The following ZCCHC24 variants were observed in gnomAD, a reference collection of about 807,000 sequenced individuals.
ZCCHC24 encodes zinc finger CCHC-type containing 24, also known as zinc finger CCHC domain-containing protein 24.
ZCCHC24 carries 10 observed loss-of-function variants against 26.2 expected under a neutral mutation model. The ratio of observed to expected loss-of-function variants is 0.38; its 90% CI spans 0.24 to 0.65. The LOEUF (loss-of-function observed/expected upper bound fraction) is 0.65, where lower values mean the gene tolerates loss of function less well. Among genes scored for constraint, ZCCHC24 ranks in the 30% least tolerant of loss-of-function variants. The probability of loss-of-function intolerance (pLI) is 0.54; values close to 1 mark genes in which losing one functional copy is unlikely to be tolerated. For missense variants in ZCCHC24, 243 were observed against 329.1 expected (o/e 0.74, Z 2.03); for synonymous variants, 144 against 147.1 (o/e 0.98, Z 0.15).
intron 2 of ZCCHC24, among the ~76,000 whole-genome samples, chr10:79,404,783 C>A (rs570400886): frequency 6.6e-6 from 1 of 152,242 alleles, no homozygotes; most frequent in Non-Finnish European, 1.5e-5. Context: ...TGAGATGAAA[C>A]ATGCAAGGCA....
intron 1 of ZCCHC24, among the ~76,000 whole-genome samples, chr10:79,443,336 T>G (rs1299269191): frequency 3.3e-5 from 5 of 152,156 alleles, no homozygotes; most frequent in African/African-American, 1.2e-4. Flanking sequence ...CTCTTGATGG[T>G]TCCAAACTCC....
chr10:79,408,245 C>T (rs1490688560), intron 2 of ZCCHC24, among the ~76,000 whole-genome samples: 1 of 152,212 alleles, frequency 6.6e-6, no homozygotes. Context: ...AGCTTAGCTC[C>T]CTGCTCTGCC....
chr10:79,435,783 G>A (rs1857207998), intron 1 of ZCCHC24, among the ~76,000 whole-genome samples: 1 of 152,212 alleles, frequency 6.6e-6, no homozygotes, highest in African/African-American at 2.4e-5. Context: ...TGTGAAGGGT[G>A]GGTGAGGCAG....
intron 2 of ZCCHC24, among the ~76,000 whole-genome samples, chr10:79,412,491 C>A (rs1856806581): frequency 6.6e-6 from 1 of 152,266 alleles, no homozygotes; most frequent in Non-Finnish European, 1.5e-5. Flanking sequence ...AGGGACTGGG[C>A]AGCCACAGGC....
At chr10:79,399,143 G>C (rs1856594305) in intron 2 of ZCCHC24, among the ~76,000 whole-genome samples, 1 of 152,198 alleles carries the variant, frequency 6.6e-6, no homozygotes, top group East Asian at 1.9e-4. Context: ...TACAGGGCAG[G>C]GGTAAAGGCA....
intron 2 of ZCCHC24, among the ~76,000 whole-genome samples, chr10:79,396,213 C>T (rs1459665697): frequency 6.6e-6 from 1 of 152,180 alleles, no homozygotes; most frequent in Non-Finnish European, 1.5e-5. Flanking sequence ...AATAATATTC[C>T]ACTGTATGGA....
At chr10:79,426,702 A>G (rs761143614) in intron 2 of ZCCHC24, among the ~76,000 whole-genome samples, 7 of 152,386 alleles carry the variant, frequency 4.6e-5, no homozygotes, top group Non-Finnish European at 7.3e-5. Context: ...AAAATCATTA[A>G]AGAAATTAAA....
At position 79,445,536 on chromosome 10, in the gene ZCCHC24, G is replaced by T; in HGVS notation, c.-96C>A. The T allele has an allele frequency of 9.2e-7, 1 of 1,092,804 alleles. No individual in the cohort carries two copies. Among genetic ancestry groups the T allele is most frequent in the Non-Finnish European group, 1.1e-6 (1 of 871,490 alleles). The allele number at this position is 1,092,804 out of a possible 1,614,324, so 67.7% of individuals were successfully genotyped here. On this transcript the variant is annotated 5_prime_UTR_variant, in exon 1 of 4. Transcript: ENST00000372336. ...ACCGGGGAGCCTGTGCCCACTGCCC[G>T]CCTCCCGAGCCCCGACGGTGATCGC... is the stretch of plus-strand genomic sequence containing the variant.
chr10:79,445,043 G>T, intron 1 of ZCCHC24, 152 bp downstream of exon 1: 1 of 834,780 alleles, frequency 1.2e-6, no homozygotes, highest in Non-Finnish European at 1.6e-6. Flanking sequence ...CGGCGAGTTT[G>T]GCAGAGTTGA....
intron 1 of ZCCHC24, among the ~76,000 whole-genome samples, chr10:79,443,941 C>T (rs1316214621): frequency 6.6e-6 from 1 of 152,224 alleles, no homozygotes; most frequent in Admixed American, 6.5e-5. Flanking sequence ...TAGTGTTGGC[C>T]TTGGGCCAGC....
Position 79,389,578 on chromosome 10 carries a change from G to C in ZCCHC24, c.613-3120C>G, listed in dbSNP as rs527458705. Among the ~76,000 whole-genome samples, 358 of 151,632 alleles carry C rather than the reference G, an allele frequency of 2.4e-3. 2 individuals carry two copies. Among genetic ancestry groups the C allele is most frequent in the Non-Finnish European group, 4.4e-3 (302 of 67,960 alleles). On this transcript the variant is annotated intron_variant, in intron 3 of 3. Coordinates refer to ENST00000372336, the MANE Select transcript of ZCCHC24 (RefSeq NM_153367.4). ...TGTGTGTGTGTGTGTCTGTGTGATA[G>C]AGAAGTAAATAAGATGACTGTCTTA...
intron 1 of ZCCHC24, among the ~76,000 whole-genome samples, chr10:79,443,653 G>A (rs1461209546): frequency 6.6e-6 from 1 of 152,182 alleles, no homozygotes; most frequent in Non-Finnish European, 1.5e-5. Flanking sequence ...CTGAAAAGAC[G>A]CATGCACCAA....
chr10:79,440,336 C>T (rs1460404500), intron 1 of ZCCHC24, among the ~76,000 whole-genome samples: 1 of 152,228 alleles, frequency 6.6e-6, no homozygotes, highest in African/African-American at 2.4e-5. Flanking sequence ...GCCCTGGACT[C>T]ATGCCCCCAT....
chr10:79,386,271 C>T lies in ZCCHC24; in HGVS notation c.*74G>A. Reference sequence around the variant, plus strand: ...CCCATGCACAGGGCGACACGCAGCCCCTCGGAGTAGCACAGGGAAGCAGCG... The same window carrying T: ...CCCATGCACAGGGCGACACGCAGCCTCTCGGAGTAGCACAGGGAAGCAGCG... On this transcript the variant is annotated 3_prime_UTR_variant, in exon 4 of 4. Transcript: ENST00000372336. 7.0e-7 allele frequency: 1 copy of T among 1,433,926 alleles called. No homozygotes were observed. Among genetic ancestry groups the T allele is most frequent in the South Asian group, 1.2e-5 (1 of 83,850 alleles). 88.8% of individuals were successfully genotyped at this position (1,433,926 alleles called of 1,614,324 possible).
chr10:79,398,760 C>T (rs1856582603), intron 2 of ZCCHC24, among the ~76,000 whole-genome samples: 2 of 152,202 alleles, frequency 1.3e-5, no homozygotes, highest in African/African-American at 4.8e-5. Context: ...TGTGGCACCA[C>T]CTGTGTGCTG....
At chr10:79,432,830 C>T (rs1857153141) in intron 1 of ZCCHC24, 72 bp from the exon 2 acceptor site, 1 of 1,498,876 alleles carries the variant, frequency 6.7e-7, no homozygotes, top group African/African-American at 1.4e-5. Flanking sequence ...CACCCAAACA[C>T]ACGCATGGAT....
At chr10:79,430,517 C>G (rs76292795) in intron 2 of ZCCHC24, among the ~76,000 whole-genome samples, 2,807 of 151,848 alleles carry the variant, frequency 0.018, 92 homozygotes, top group African/African-American at 0.064. Flanking sequence ...CTCCTTCTGC[C>G]GTAGAGTTAA....
chr10:79,435,095 A>G (rs1369830257), intron 1 of ZCCHC24, among the ~76,000 whole-genome samples: 2 of 152,068 alleles, frequency 1.3e-5, no homozygotes, highest in Non-Finnish European at 2.9e-5. Context: ...AAGTTCATCC[A>G]AACAAGAAAC....
intron 2 of ZCCHC24, among the ~76,000 whole-genome samples, chr10:79,411,547 G>T (rs1045453000): frequency 6.6e-6 from 1 of 152,204 alleles, no homozygotes; most frequent in Non-Finnish European, 1.5e-5. Flanking sequence ...ATTCTAGAGG[G>T]AAAGGTGGCC....
Sources: allele counts gnomAD v4.1 joint callset (sites outside exome capture counted in the v4.1 genomes callset), GRCh38; gene constraint gnomAD v4.1.1; transcripts MANE v1.5; gene names NCBI Gene and HGNC (gene_info 2026-07-23, HGNC 2026-07-21).